ADAMTS19: variants seen among roughly 807,000 people sequenced by gnomAD.
ADAMTS19 encodes the protein A disintegrin and metalloproteinase with thrombospondin motifs 19.
A neutral mutation model predicts 153.3 loss-of-function variants in ADAMTS19; 93 were observed. That is an observed-to-expected ratio of 0.61 (90% confidence interval 0.51 to 0.72). The LOEUF (loss-of-function observed/expected upper bound fraction) is 0.72. Among genes scored for constraint, ADAMTS19 ranks in the 30% least tolerant of loss-of-function variants. The probability of loss-of-function intolerance (pLI) is 0.00; values close to 1 mark genes in which losing one functional copy is unlikely to be tolerated. For missense variants in ADAMTS19, 1,482 were observed against 1,552.1 expected (o/e 0.95, Z 0.76); for synonymous variants, 600 against 556.6 (o/e 1.08, Z -1.10).
intron 2 of ADAMTS19, among the ~76,000 whole-genome samples, chr5:129,486,844 T>C (rs1455548644): frequency 1.3e-5 from 2 of 152,146 alleles, no homozygotes. Flanking sequence ...GCAGACAACA[T>C]GATCATGTAC....
At chr5:129,615,995 CACG>C (rs1208925252) in intron 8 of ADAMTS19, among the ~76,000 whole-genome samples, 1 of 151,872 alleles carries the variant, frequency 6.6e-6, no homozygotes, top group African/African-American at 2.4e-5. Context: ...TAATATAATG[CACG>C]ACAACGTCAA....
chr5:129,548,919 C>G (rs574145331), intron 6 of ADAMTS19, among the ~76,000 whole-genome samples: 81 of 149,598 alleles, frequency 5.4e-4, no homozygotes, highest in African/African-American at 1.9e-3. Context: ...AGCAAACTAT[C>G]GCAAGGACAA....
intron 17 of ADAMTS19, among the ~76,000 whole-genome samples, chr5:129,682,229 G>A (rs1012161248): frequency 1.1e-4 from 16 of 152,156 alleles, no homozygotes; most frequent in African/African-American, 3.9e-4. Context: ...GATTTATTCA[G>A]TAATCCAAGG....
In ADAMTS19 at chr5:129,712,971, A is replaced by G. The variant is rs187545222; in HGVS notation, c.3312+8580A>G. On this transcript the variant is annotated intron_variant, in intron 21 of 22. Coordinates refer to ENST00000274487, the MANE Select transcript of ADAMTS19 (RefSeq NM_133638.6). ...AAAATAAAATCCAGAGGGTTTAATA[A>G]TATTTCCTTCTTCATAGCTTCTAGC... is the stretch of plus-strand genomic sequence containing the variant. Among the ~76,000 whole-genome samples, 530 of 152,322 alleles carry G rather than the reference A, an allele frequency of 3.5e-3. 9 individuals carry two copies. Among genetic ancestry groups the G allele is most frequent in the Middle Eastern group, 0.02 (6 of 294 alleles).
chr5:129,585,330 C>T (rs1022831110), intron 7 of ADAMTS19, among the ~76,000 whole-genome samples: 1 of 151,894 alleles, frequency 6.6e-6, no homozygotes, highest in African/African-American at 2.4e-5. Context: ...CAGACCGGAG[C>T]TGTTCCTATT....
At position 129,658,645 on chromosome 5, in the gene ADAMTS19, C is replaced by A; in HGVS notation, c.2333C>A (p.Ser778Tyr). Residue 778 changes from serine to tyrosine, a missense_variant, in exon 15 of 23, where the codon TCT (serine) becomes TAT (tyrosine). By Grantham distance (144) the Ser-to-Tyr change is moderately radical. Coordinates refer to ENST00000274487, the MANE Select transcript of ADAMTS19 (RefSeq NM_133638.6). ...QKVGCDGLLG[S>Y]LAREDHCGVC... ...GTTGGCTGTGATGGTTTATTAGGGT[C>A]TCTTGCAAGAGAAGATCATTGTGGT... 6.2e-7 allele frequency: 1 copy of A among 1,613,046 alleles called. No homozygotes were observed. The highest frequency in any genetic ancestry group is 2.2e-5 in the East Asian group (1 of 44,774).
Position 129,725,410 on chromosome 5 carries a change from A to C in ADAMTS19, c.3313-9522A>C, listed in dbSNP as rs112255551. Reference sequence around the variant, plus strand: ...GGAGCATGCGCAGTGTGTTTACTGGAGTTGCATGCATGCTCACTTTAAGGT... The same window carrying C: ...GGAGCATGCGCAGTGTGTTTACTGGCGTTGCATGCATGCTCACTTTAAGGT... On this transcript the variant is annotated intron_variant, in intron 21 of 22. Coordinates refer to ENST00000274487, the MANE Select transcript of ADAMTS19 (RefSeq NM_133638.6). Among the ~76,000 whole-genome samples the C allele has an allele frequency of 5.3e-3, 803 of 152,098 alleles. 3 individuals are homozygous for C. The highest frequency in any genetic ancestry group is 0.018 in the African/African-American group (730 of 41,490).
At position 129,595,668 on chromosome 5, in the gene ADAMTS19, A is replaced by T. The variant is rs561503486; in HGVS notation, c.1373-891A>T. ...TGGTAAATCAGAACCTCCTACGCCT[A>T]AATATCTTAATCTATAAAAGGAGTT... On this transcript the variant is annotated intron_variant, in intron 7 of 22. Coordinates refer to ENST00000274487, the MANE Select transcript of ADAMTS19 (RefSeq NM_133638.6). 3.9e-5 allele frequency among the ~76,000 whole-genome samples: 6 copies of T among 152,172 alleles called. No individual in the cohort carries two copies. The South Asian group carries it at 1.0e-3, about 26-fold the overall frequency.
chr5:129,702,780 A>C (rs867701400), intron 20 of ADAMTS19, among the ~76,000 whole-genome samples: 163 of 151,850 alleles, frequency 1.1e-3, no homozygotes, highest in African/African-American at 3.7e-3. Context: ...CTTCGGGAGA[A>C]AATTGGTCAG....
chr5:129,509,992 T>A (rs1210739287), intron 3 of ADAMTS19, among the ~76,000 whole-genome samples: 1 of 151,864 alleles, frequency 6.6e-6, no homozygotes, highest in Non-Finnish European at 1.5e-5. Context: ...CAGAAAAAAA[T>A]TAAAAGTTTT....
chr5:129,580,070 A>G (rs1267102966), intron 7 of ADAMTS19, among the ~76,000 whole-genome samples: 1 of 152,180 alleles, frequency 6.6e-6, no homozygotes, highest in African/African-American at 2.4e-5. Flanking sequence ...ATCCATGAGC[A>G]TGGAATGTTT....
Position 129,461,505 on chromosome 5 carries a change from G to A in ADAMTS19, c.495G>A (p.Glu165=). ...CCCCGCCCCCGGCCCAGCATGCCGA[G>A]CCGGATGGCGACGAAGTGTTGCTGC... The part of the protein sequence containing the change: ...PPSPPPAQHA[E]PDGDEVLLRI... The change falls in exon 2 of 23, where the codon GAG becomes GAA. Residue 165 remains glutamate (E), a synonymous_variant. Coordinates refer to ENST00000274487, the MANE Select transcript of ADAMTS19 (RefSeq NM_133638.6). The surrounding 1 kb of genome is among the most constrained non-coding windows in gnomAD (Gnocchi z 4.6). The A allele has an allele frequency of 6.6e-7, 1 of 1,509,542 alleles. No homozygotes were observed. Among genetic ancestry groups the A allele is most frequent in the Non-Finnish European group, 8.8e-7 (1 of 1,137,592 alleles). 93.5% of individuals were successfully genotyped at this position (1,509,542 alleles called of 1,614,324 possible).
intron 7 of ADAMTS19, among the ~76,000 whole-genome samples, chr5:129,564,420 G>A (rs1262000842): frequency 6.6e-6 from 1 of 152,146 alleles, no homozygotes; most frequent in Admixed American, 6.5e-5. Context: ...TTAATTGGGG[G>A]CTTTTATATG....
chr5:129,575,136 T>A (rs560287605), intron 7 of ADAMTS19, among the ~76,000 whole-genome samples: 11 of 152,162 alleles, frequency 7.2e-5, no homozygotes, highest in African/African-American at 2.6e-4. Flanking sequence ...CTGATCACAC[T>A]GAGTAGAAAG....
At chr5:129,520,579 A>AATT (rs149408897) in intron 3 of ADAMTS19, among the ~76,000 whole-genome samples, 2 of 152,106 alleles carry the variant, frequency 1.3e-5, no homozygotes, top group African/African-American at 4.8e-5. Context: ...TGTTTCCACT[A>AATT]ATTATTATTA....
At chr5:129,622,402 T>C (rs1751820722) in intron 10 of ADAMTS19, 54 bp downstream of exon 10, 2 of 1,593,734 alleles carry the variant, frequency 1.3e-6, no homozygotes, top group East Asian at 2.2e-5. Context: ...GAAGTATTGA[T>C]TGGTAGGAGA....
intron 2 of ADAMTS19, among the ~76,000 whole-genome samples, chr5:129,488,092 C>G (rs1176123160): frequency 6.6e-6 from 1 of 151,628 alleles, no homozygotes; most frequent in Non-Finnish European, 1.5e-5. Flanking sequence ...GTGTAAGAGA[C>G]CCTATAAATA....
chr5:129,659,148 T>C (rs997677826), intron 15 of ADAMTS19, among the ~76,000 whole-genome samples: 5 of 152,176 alleles, frequency 3.3e-5, no homozygotes, highest in African/African-American at 1.2e-4. Context: ...TTTCTTAATG[T>C]TTTTGCTACA....
At chr5:129,575,730 G>T (rs1490508238) in intron 7 of ADAMTS19, among the ~76,000 whole-genome samples, 1 of 151,966 alleles carries the variant, frequency 6.6e-6, no homozygotes, top group Non-Finnish European at 1.5e-5. Flanking sequence ...ATGACTTTTT[G>T]ATTGTGTCAT....
Sources: gnomAD v4.1 joint callset for allele counts (sites outside exome capture counted in the v4.1 genomes callset) on GRCh38, gnomAD v4.1.1 for gene constraint, Gnocchi (gnomAD v3.1) non-coding constraint, MANE v1.5 for transcripts, NCBI Gene and HGNC (gene_info 2026-07-23, HGNC 2026-07-21) for gene names.